The following CFAP65 variants were observed in gnomAD, a reference collection of about 807,000 sequenced individuals.
CFAP65 encodes the protein cilia and flagella associated protein 65, also known as cilia- and flagella-associated protein 65.
CFAP65 carries 155 observed loss-of-function variants against 208.0 expected under a neutral mutation model. The observed-to-expected ratio is 0.75, with a 90% CI of 0.65 to 0.85. The LOEUF is 0.85. CFAP65 is among the 40% of genes least tolerant of loss of function. The pLI is 0.00. For synonymous variants in CFAP65, 970 were observed against 986.3 expected (o/e 0.98, Z 0.31); for missense variants, 2,294 against 2,451.3 (o/e 0.94, Z 1.36).
intron 18 of CFAP65, 124 bp from the exon 19 acceptor site, chr2:219,021,404 G>A (rs1947255625): frequency 3.3e-6 from 4 of 1,198,268 alleles, no homozygotes; most frequent in Admixed American, 3.3e-5. Flanking sequence ...AGGAAACAGG[G>A]AGTGGAGCCC....
Position 219,031,488 on chromosome 2 carries a change from C to T in CFAP65, c.815+1G>A, listed in dbSNP as rs773414675. ...CCGCCGCACCTCAGCCTCTTCCTCACCCCACATTATCCAGGCAGAAAAAGG... is the reference window on the plus strand; with the variant it reads ...CCGCCGCACCTCAGCCTCTTCCTCATCCCACATTATCCAGGCAGAAAAAGG... On this transcript the variant is annotated splice_donor_variant, in intron 7 of 34. Transcript: ENST00000341552. LOFTEE classifies it high-confidence loss of function. The surrounding 1 kb of genome is among the most constrained non-coding windows in gnomAD (Gnocchi z 5.2). 24 of 1,614,106 alleles carry T rather than the reference C, an allele frequency of 1.5e-5. No individual in the cohort carries two copies. The highest frequency in any genetic ancestry group is 8.5e-7 in the Non-Finnish European group (1 of 1,180,044).
Position 219,029,967 on chromosome 2 carries a change from C to T in CFAP65, c.1384+19G>A. 3 of 1,609,168 alleles carry T rather than the reference C, an allele frequency of 1.9e-6. No individual in the cohort carries two copies. In the Middle Eastern group the frequency reaches 5.0e-4, roughly 268 times the overall value. ...GGGCTGCTCCTGTCCCCAGGGGAGG[C>T]CCCTGGGGTCACCGGTACCTCTACA... On this transcript the variant is annotated intron_variant, in intron 10 of 34. Coordinates refer to ENST00000341552, the MANE Select transcript of CFAP65 (RefSeq NM_194302.4).
rs1945756211 is a variant in CFAP65 at position 219,003,949 on chromosome 2, C to A, written c.5555+3G>T. On this transcript the variant is annotated splice_donor_region_variant and intron_variant, in intron 33 of 34. Coordinates refer to ENST00000341552, the MANE Select transcript of CFAP65 (RefSeq NM_194302.4). This position sits in a 1 kb window ranked among gnomAD's most constrained non-coding sequence, Gnocchi z 4.4. ...CCGTCCTCACTGGGGCCTGGCTGCT[C>A]ACCTTCTGATGGCCTCCTTCTCGTC... 1.2e-6 allele frequency: 2 copies of A among 1,607,522 alleles called. No homozygotes were observed. Among genetic ancestry groups the A allele is most frequent in the Non-Finnish European group, 8.5e-7 (1 of 1,175,758 alleles).
rs142645125 is a variant in CFAP65 at position 219,038,814 on chromosome 2, C to T, written c.153+82G>A. 1,256 of 1,477,438 alleles carry T rather than the reference C, an allele frequency of 8.5e-4. 13 individuals are homozygous for T. The African/African-American group carries it at 0.016, about 19-fold the overall frequency. The allele number at this position is 1,477,438 out of a possible 1,614,324, so 91.5% of individuals were successfully genotyped here. On this transcript the variant is annotated intron_variant, in intron 3 of 34. Coordinates refer to ENST00000341552, the MANE Select transcript of CFAP65 (RefSeq NM_194302.4). ...TCCAAAGAGGGACTTGGGGACAAGG[C>T]CCACCCCACTAGGCCCCTCCATGGC... is the stretch of plus-strand genomic sequence containing the variant.
intron 11 of CFAP65, 24 bp downstream of exon 11, chr2:219,029,379 C>A (rs1474077306): frequency 4.4e-6 from 7 of 1,602,942 alleles, no homozygotes; most frequent in Middle Eastern, 3.4e-4. Context: ...CCTCCCTCAG[C>A]CTCATGCCCT....
intron 4 of CFAP65, 69 bp downstream of exon 4, chr2:219,038,306 T>G: frequency 1.3e-6 from 2 of 1,487,608 alleles, no homozygotes; most frequent in Non-Finnish European, 1.9e-6. Flanking sequence ...CCCACCCCAC[T>G]GCCCTGCCAC....
chr2:219,016,289 C>CTTTTTTTT (rs5838714), intron 21 of CFAP65, among the ~76,000 whole-genome samples: 6 of 85,554 alleles, frequency 7.0e-5, no homozygotes, highest in African/African-American at 1.8e-4. Context: ...AGTCTCCCTC[C>CTTTTTTTT]TTTTTTTTTT....
chr2:219,015,266 C>T (rs1946794979), intron 21 of CFAP65: 1 of 151,030 alleles, frequency 6.6e-6, no homozygotes, highest in East Asian at 2.0e-4. Flanking sequence ...ACAACACACA[C>T]CTGAGGAGAA....
chr2:219,034,007 T>A (rs529888035), intron 5 of CFAP65: 1 of 152,238 alleles, frequency 6.6e-6, no homozygotes, highest in East Asian at 1.9e-4. Context: ...ATGTCATATA[T>A]AACAACAGCA....
intron 13 of CFAP65, chr2:219,027,424 G>A: frequency 6.6e-7 from 1 of 1,508,676 alleles, no homozygotes; most frequent in Non-Finnish European, 8.9e-7. Flanking sequence ...GTTCTCCCTT[G>A]GAGGGGAGGG....
chr2:219,008,519 C>T (rs895009516), intron 29 of CFAP65, among the ~76,000 whole-genome samples: 6 of 152,100 alleles, frequency 3.9e-5, no homozygotes, highest in Middle Eastern at 3.2e-3. Flanking sequence ...CCGAGGTGGT[C>T]AGATCACCTA....
intron 3 of CFAP65, 156 bp from the exon 4 acceptor site, chr2:219,038,734 C>A: frequency 9.1e-7 from 1 of 1,099,016 alleles, no homozygotes; most frequent in Non-Finnish European, 1.3e-6. Flanking sequence ...TGAGGCTGTA[C>A]ACGAGATCCA....
rs752075836 is a variant in CFAP65 at position 219,035,397 on chromosome 2, G to GTTTGT, written c.542+78_542+82dup. 6.8e-5 allele frequency: 110 copies of GTTTGT among 1,606,500 alleles called. 1 individual carries two copies. The East Asian group carries it at 2.0e-3, about 29-fold the overall frequency. On this transcript the variant is annotated intron_variant, in intron 5 of 34. Coordinates refer to ENST00000341552, the MANE Select transcript of CFAP65 (RefSeq NM_194302.4). ...ATATGGCATGTTAAAGGTTTTTTTT[G>GTTTGT]TTTGTTTTGTTTTGTTTTGAAGAGA...
intron 14 of CFAP65, 74 bp from the exon 15 acceptor site, chr2:219,024,334 G>C: frequency 1.3e-6 from 2 of 1,532,134 alleles, no homozygotes; most frequent in Non-Finnish European, 1.8e-6. Flanking sequence ...GGGCCCTATG[G>C]GGGCTTGGGA....
At chr2:219,036,001 C>T (rs1041014749) in intron 4 of CFAP65, among the ~76,000 whole-genome samples, 4 of 152,202 alleles carry the variant, frequency 2.6e-5, no homozygotes, top group African/African-American at 9.6e-5. Context: ...TCAGTGCACC[C>T]TCAGATAGCA....
At chr2:219,037,466 T>C (rs1948434153) in intron 4 of CFAP65, among the ~76,000 whole-genome samples, 1 of 152,166 alleles carries the variant, frequency 6.6e-6, no homozygotes, top group Non-Finnish European at 1.5e-5. Flanking sequence ...TGAAGGAACC[T>C]GGGAGTTGGC....
Position 219,030,726 on chromosome 2 carries a change from G to T in CFAP65, c.1124C>A (p.Thr375Asn). ...GTGTAGCCTGATCTGCCTCTCCGAGGTGCAGCCCACAGCAACAGAGCCAAA... is the reference window on the plus strand; with the variant it reads ...GTGTAGCCTGATCTGCCTCTCCGAGTTGCAGCCCACAGCAACAGAGCCAAA... ...LYFGSVAVGC[T>N]SERQIRLHNP... The change falls in exon 9 of 35, where the codon ACC becomes AAC. Residue 375 changes from threonine to asparagine, a missense_variant. Physicochemically the swap from Thr to Asn is moderately conservative, Grantham distance 65. Coordinates refer to ENST00000341552, the MANE Select transcript of CFAP65 (RefSeq NM_194302.4). The T allele has an allele frequency of 6.2e-7, 1 of 1,614,186 alleles. No individual in the cohort carries two copies.
intron 28 of CFAP65, 78 bp from the exon 29 acceptor site, chr2:219,009,232 C>T: frequency 6.8e-7 from 1 of 1,474,750 alleles, no homozygotes. Context: ...CTCTCCCTTC[C>T]AAGGGCTGAC....
chr2:219,022,418 G>T, intron 16 of CFAP65, 89 bp from the exon 17 acceptor site: 1 of 1,434,240 alleles, frequency 7.0e-7, no homozygotes, highest in Non-Finnish European at 9.6e-7. Context: ...AGGGCGTCAT[G>T]CTACGTTAGC....
Sources: allele counts gnomAD v4.1 joint callset (sites outside exome capture counted in the v4.1 genomes callset), GRCh38; gene constraint gnomAD v4.1.1; non-coding constraint Gnocchi (gnomAD v3.1); transcripts MANE v1.5; gene names NCBI Gene and HGNC (gene_info 2026-07-23, HGNC 2026-07-21).